Variants in PLEKHG4B observed in about 807,000 individuals in gnomAD.
PLEKHG4B encodes the protein pleckstrin homology domain-containing family G member 4B.
PLEKHG4B carries 111 observed loss-of-function variants against 121.3 expected under a neutral mutation model. The observed-to-expected ratio is 0.92, with a 90% CI of 0.78 to 1.07. PLEKHG4B has a LOEUF of 1.07. PLEKHG4B is among the 50% of genes least tolerant of loss of function. The probability of loss-of-function intolerance (pLI) is 0.00; values close to 1 mark genes in which losing one functional copy is unlikely to be tolerated. For missense variants in PLEKHG4B, 1,831 were observed against 1,757.8 expected, an observed-to-expected ratio of 1.04 and a Z score of -0.74; for synonymous variants, 738 against 725.0, an observed-to-expected ratio of 1.02 and a Z score of -0.29.
intron 1 of PLEKHG4B, among the ~76,000 whole-genome samples, chr5:92,721 A>G (rs937550453): frequency 1.3e-5 from 2 of 151,802 alleles, no homozygotes; most frequent in African/African-American, 4.8e-5. Context: ...CGGTGCCTGA[A>G]GGGGAGCCAG....
intron 18 of PLEKHG4B, among the ~76,000 whole-genome samples, chr5:174,692 A>G (rs1215645389): frequency 6.6e-6 from 1 of 152,088 alleles, no homozygotes; most frequent in Non-Finnish European, 1.5e-5. Context: ...GCACAGTTAT[A>G]GCAGTTTGGT....
chr5:125,766 C>T (rs565595086), intron 2 of PLEKHG4B, among the ~76,000 whole-genome samples: 5 of 152,262 alleles, frequency 3.3e-5, no homozygotes, highest in East Asian at 1.9e-4. Flanking sequence ...TGCTGGACTC[C>T]GTTGTTTCTG....
At chr5:146,500 C>T (rs990705555) in intron 6 of PLEKHG4B, among the ~76,000 whole-genome samples, 4 of 148,056 alleles carry the variant, frequency 2.7e-5, no homozygotes, top group Non-Finnish European at 6.0e-5. Context: ...CCACACAGTC[C>T]TCCCTCCTGT....
Position 182,212 on chromosome 5 carries a change from C to A in PLEKHG4B, c.4773C>A (p.Ile1591=). 6.2e-7 allele frequency: 1 copy of A among 1,613,922 alleles called. No individual in the cohort carries two copies. Among genetic ancestry groups the A allele is most frequent in the South Asian group, 1.1e-5 (1 of 91,080 alleles). The change falls in exon 20 of 20, where the codon ATC becomes ATA. Residue 1591 remains isoleucine, a synonymous_variant. Transcript: ENST00000637938. The part of the protein sequence containing the change: ...SPAHSPWSSD[I]RACVEEDEPE... ...CCCACAGCCCCTGGTCATCTGATAT[C>A]AGAGCCTGCGTCGAGGAAGATGAGC... is the stretch of plus-strand genomic sequence containing the variant.
chr5:119,103 T>A (rs1442286400), intron 2 of PLEKHG4B, among the ~76,000 whole-genome samples: 1 of 151,968 alleles, frequency 6.6e-6, no homozygotes, highest in East Asian at 1.9e-4. Context: ...TAAGTGATCC[T>A]CCTGCCTCAG....
At chr5:142,628 A>G (rs1735253311) in intron 3 of PLEKHG4B, among the ~76,000 whole-genome samples, 1 of 151,664 alleles carries the variant, frequency 6.6e-6, no homozygotes, top group Non-Finnish European at 1.5e-5. Flanking sequence ...TACCACACAC[A>G]CAATCACACA....
intron 2 of PLEKHG4B, among the ~76,000 whole-genome samples, chr5:123,410 CCCT>C (rs1286381938): frequency 7.2e-5 from 11 of 151,982 alleles, no homozygotes; most frequent in Non-Finnish European, 1.5e-4. Flanking sequence ...AGGAAGTATT[CCCT>C]CCTCTTTAAT....
intron 18 of PLEKHG4B, among the ~76,000 whole-genome samples, chr5:177,375 G>T (rs925215459): frequency 6.6e-6 from 1 of 152,074 alleles, no homozygotes; most frequent in African/African-American, 2.4e-5. Flanking sequence ...TTTATTCTCG[G>T]ACTCATCATA....
chr5:173,419 C>A (rs1394371277), intron 17 of PLEKHG4B, among the ~76,000 whole-genome samples: 1 of 152,072 alleles, frequency 6.6e-6, no homozygotes, highest in Non-Finnish European at 1.5e-5. Context: ...TGATGCACCA[C>A]GTTGGGCAGG....
chr5:107,790 G>A (rs772484254), intron 1 of PLEKHG4B, among the ~76,000 whole-genome samples: 31 of 152,182 alleles, frequency 2.0e-4, no homozygotes, highest in African/African-American at 6.5e-4. Flanking sequence ...GCTGGACCTC[G>A]GTGGGGCTCA....
At chr5:109,541 C>T (rs1265056956) in intron 1 of PLEKHG4B, among the ~76,000 whole-genome samples, 3 of 152,122 alleles carry the variant, frequency 2.0e-5, no homozygotes, top group Non-Finnish European at 4.4e-5. Context: ...CAGAGGGACA[C>T]GCTAACCCAC....
At chr5:181,778 A>C in intron 19 of PLEKHG4B, 103 bp downstream of exon 19, 3 of 1,456,670 alleles carry the variant, frequency 2.1e-6, no homozygotes, top group Non-Finnish European at 2.8e-6. Context: ...ACTCGCCCAC[A>C]GAGTGCACCA....
At chr5:160,779 G>A (rs1463308768) in intron 11 of PLEKHG4B, among the ~76,000 whole-genome samples, 1 of 151,916 alleles carries the variant, frequency 6.6e-6, no homozygotes, top group African/African-American at 2.4e-5. Flanking sequence ...AATGACAGCC[G>A]ATTTTTCCAC....
At chr5:109,712 T>TG (rs1473808003) in intron 1 of PLEKHG4B, among the ~76,000 whole-genome samples, 6 of 152,238 alleles carry the variant, frequency 3.9e-5, no homozygotes, top group Admixed American at 3.3e-4. Flanking sequence ...AATCCTTCAT[T>TG]GAAGAGTGAA....
chr5:110,339 C>T (rs1734110468), intron 1 of PLEKHG4B, among the ~76,000 whole-genome samples: 2 of 145,872 alleles, frequency 1.4e-5, no homozygotes, highest in Non-Finnish European at 3.0e-5. Context: ...GTCTGCAACA[C>T]GTGCACACAC....
At chr5:153,564 C>T (rs1195887151) in intron 7 of PLEKHG4B, among the ~76,000 whole-genome samples, 15 of 152,378 alleles carry the variant, frequency 9.8e-5, no homozygotes, top group Non-Finnish European at 2.9e-5. Context: ...GCTTCTTCCA[C>T]AGCTGCCGCC....
At chr5:165,090 G>T (rs1177148671) in intron 13 of PLEKHG4B, among the ~76,000 whole-genome samples, 2 of 105,958 alleles carry the variant, frequency 1.9e-5, no homozygotes, top group African/African-American at 6.9e-5. Flanking sequence ...ACGGGGCGGG[G>T]CTCACACTAA....
At chr5:146,884 T>TTTC (rs1194552801) in intron 6 of PLEKHG4B, among the ~76,000 whole-genome samples, 1 of 151,188 alleles carries the variant, frequency 6.6e-6, no homozygotes, top group African/African-American at 2.4e-5. Flanking sequence ...CCGCCTGTGG[T>TTTC]TTCTTCTTAC....
chr5:175,636 A>G (rs1736738639), intron 18 of PLEKHG4B, among the ~76,000 whole-genome samples: 1 of 118,208 alleles, frequency 8.5e-6, no homozygotes, highest in Non-Finnish European at 1.7e-5. Flanking sequence ...AGACACGACC[A>G]GGGCTCCTGC....
Sources: gnomAD v4.1 joint callset for allele counts (sites outside exome capture counted in the v4.1 genomes callset) on GRCh38, gnomAD v4.1.1 for gene constraint, MANE v1.5 for transcripts, NCBI Gene and HGNC (gene_info 2026-07-23, HGNC 2026-07-21) for gene names.